The following KAZN variants were observed in gnomAD, a reference collection of about 807,000 sequenced individuals.
The protein encoded by KAZN is kazrin, periplakin interacting protein.
In KAZN, 40 loss-of-function variants were observed where a neutral mutation model predicts 87.4. That is an observed-to-expected ratio of 0.46 (90% CI 0.36 to 0.60). The LOEUF (loss-of-function observed/expected upper bound fraction) is 0.60, where lower values mean the gene tolerates loss of function less well. Among genes scored for constraint, KAZN ranks in the 20% least tolerant of loss-of-function variants. The probability of loss-of-function intolerance (pLI) is 0.00; values close to 1 mark genes in which losing one functional copy is unlikely to be tolerated. For missense variants in KAZN, 898 were observed against 1,073.9 expected (o/e 0.84, Z 2.29); for synonymous variants, 466 against 458.3 (o/e 1.02, Z -0.22).
intron 1 of KAZN, among the ~76,000 whole-genome samples, chr1:14,606,740 T>C (rs141526302): frequency 2.0e-5 from 3 of 152,146 alleles, no homozygotes; most frequent in Admixed American, 2.0e-4. Context: ...ACTATTGACA[T>C]GTGGAGCAGA....
At chr1:14,842,090 C>T (rs1204558244) in intron 1 of KAZN, among the ~76,000 whole-genome samples, 1 of 152,192 alleles carries the variant, frequency 6.6e-6, no homozygotes, top group African/African-American at 2.4e-5. Context: ...TGCTCTCTTT[C>T]TCACTTATGC....
In KAZN at chr1:15,044,152, T is replaced by G; in HGVS notation, c.719T>G (p.Leu240Arg). ...DNRMKELEAE[L>R]AMAKQSLATL... ...CGGATGAAGGAGCTGGAGGCCGAGC[T>G]GGCCATGGTGAGAACCCTCCCCACC... Residue 240 changes from leucine to arginine, a missense_variant, in exon 4 of 15, where the codon CTG (leucine) becomes CGG (arginine). By Grantham distance (102) the Leu-to-Arg change is moderately radical (BLOSUM62 -2). Transcript: ENST00000376030. The G allele has an allele frequency of 6.3e-7, 1 of 1,593,952 alleles. No homozygotes were observed. Among genetic ancestry groups the G allele is most frequent in the Non-Finnish European group, 8.6e-7 (1 of 1,168,950 alleles).
chr1:13,995,339 A>G (rs1268329444), intron 1 of KAZN, among the ~76,000 whole-genome samples: 1 of 152,212 alleles, frequency 6.6e-6, no homozygotes, highest in Non-Finnish European at 1.5e-5. Context: ...TCTCTCATGC[A>G]TAAACTTGGC....
rs201394854 is a variant in KAZN at position 14,883,316 on chromosome 1, GAA to G, written c.227-77366_227-77365del. 1.9e-3 allele frequency among the ~76,000 whole-genome samples: 78 copies of G among 40,764 alleles called. 5 individuals are homozygous for G. Among genetic ancestry groups the G allele is most frequent in the African/African-American group, 4.8e-3 (73 of 15,142 alleles). The allele number at this position is 40,764 out of a possible 152,430, so 26.7% of individuals were successfully genotyped here. On this transcript the variant is annotated intron_variant, in intron 1 of 14. Transcript: ENST00000376030. The stretch of plus-strand genomic sequence containing the variant: ...ATCTCAAAAGAAAGAAAGAAAGAAA[GAA>G]AGAGAGAGAGAGAGAGAGAGAGAGA...
intron 1 of KAZN, among the ~76,000 whole-genome samples, chr1:14,606,335 T>G (rs1677355955): frequency 6.6e-6 from 1 of 152,144 alleles, no homozygotes; most frequent in African/African-American, 2.4e-5. Context: ...CCTAGACTGG[T>G]GGTAGTTCCT....
At chr1:15,002,054 G>T (rs1668539777) in intron 2 of KAZN, among the ~76,000 whole-genome samples, 1 of 151,676 alleles carries the variant, frequency 6.6e-6, no homozygotes, top group Non-Finnish European at 1.5e-5. Context: ...CTAATTTTTT[G>T]TATTTTTAGT....
At chr1:14,067,639 C>G (rs370750976) in intron 1 of KAZN, among the ~76,000 whole-genome samples, 8 of 152,328 alleles carry the variant, frequency 5.3e-5, no homozygotes, top group Admixed American at 1.3e-4. Flanking sequence ...TCTGTCCCCC[C>G]CCATACTGCT....
At chr1:14,060,995 T>C (rs1642772104) in intron 1 of KAZN, among the ~76,000 whole-genome samples, 1 of 152,248 alleles carries the variant, frequency 6.6e-6, no homozygotes, top group Admixed American at 6.5e-5. Flanking sequence ...ACCAGCAGCG[T>C]GGCCTTTGAC....
chr1:14,919,893 A>G (rs1246518326), intron 1 of KAZN, among the ~76,000 whole-genome samples: 1 of 152,198 alleles, frequency 6.6e-6, no homozygotes. Flanking sequence ...ACTATACCAT[A>G]TAGCCTAGGT....
rs535684512 is a variant in KAZN, at chr1:15,099,270, G to C, written c.1548-2273G>C. Among the ~76,000 whole-genome samples, 2 of 152,206 alleles carry C rather than the reference G, an allele frequency of 1.3e-5. No homozygotes were observed. Among genetic ancestry groups the C allele is most frequent in the Non-Finnish European group, 2.9e-5 (2 of 68,034 alleles). On this transcript the variant is annotated intron_variant, in intron 10 of 14. Coordinates refer to ENST00000376030, the MANE Select transcript of KAZN (RefSeq NM_201628.3). The surrounding 1 kb of genome is among the most constrained non-coding windows in gnomAD (Gnocchi z 5.4). ...AGGAAGCATTCAATCAGTGTCTACTGTGCACGTAGACTGTGCTGTTTGGCA... is the reference window on the plus strand; with the variant it reads ...AGGAAGCATTCAATCAGTGTCTACTCTGCACGTAGACTGTGCTGTTTGGCA...
intron 1 of KAZN, among the ~76,000 whole-genome samples, chr1:14,826,346 A>G (rs1646884903): frequency 1.3e-5 from 2 of 152,208 alleles, no homozygotes; most frequent in Non-Finnish European, 2.9e-5. Context: ...CGTTGGCCAT[A>G]TGGATTTATT....
chr1:14,644,551 C>T (rs919067925), intron 1 of KAZN, among the ~76,000 whole-genome samples: 17 of 151,598 alleles, frequency 1.1e-4, no homozygotes, highest in Non-Finnish European at 2.1e-4. Flanking sequence ...TTAGTAGAGA[C>T]GGGGTTTCAC....
chr1:14,726,467 C>T (rs1557427340), intron 1 of KAZN, among the ~76,000 whole-genome samples: 1 of 152,192 alleles, frequency 6.6e-6, no homozygotes. Context: ...CCCAGGGATC[C>T]AGGTGGGTCA....
chr1:14,689,229 C>G (rs1428268599), intron 1 of KAZN, among the ~76,000 whole-genome samples: 1 of 151,326 alleles, frequency 6.6e-6, no homozygotes, highest in Non-Finnish European at 1.5e-5. Flanking sequence ...CAAAACAAAA[C>G]AAAACAAAAC....
chr1:14,333,657 C>T (rs574063620), intron 2 of KAZN, among the ~76,000 whole-genome samples: 2 of 152,196 alleles, frequency 1.3e-5, no homozygotes, highest in East Asian at 1.9e-4. Flanking sequence ...ATAAAAGATT[C>T]GTGGTAATGA....
chr1:15,028,203 C>G (rs1297415798), intron 2 of KAZN, among the ~76,000 whole-genome samples: 1 of 152,244 alleles, frequency 6.6e-6, no homozygotes, highest in Non-Finnish European at 1.5e-5. Flanking sequence ...CACCCTCCCT[C>G]CCACCTCCAG....
At chr1:14,182,592 T>C (rs565611381) in intron 2 of KAZN, among the ~76,000 whole-genome samples, 17 of 152,306 alleles carry the variant, frequency 1.1e-4, no homozygotes, top group Admixed American at 1.1e-3. Flanking sequence ...AGATGAGTGT[T>C]GCCAAGCTTA....
chr1:14,826,019 G>A (rs1303205342), intron 1 of KAZN, among the ~76,000 whole-genome samples: 1 of 152,168 alleles, frequency 6.6e-6, no homozygotes, highest in Non-Finnish European at 1.5e-5. Flanking sequence ...AGATTCAATT[G>A]CTCCTCAAAG....
intron 1 of KAZN, among the ~76,000 whole-genome samples, chr1:14,755,418 A>C (rs1644534541): frequency 6.6e-6 from 1 of 152,150 alleles, no homozygotes; most frequent in Non-Finnish European, 1.5e-5. Flanking sequence ...ATGTCTATGA[A>C]AGCTTTACTG....
Sources: gnomAD v4.1 joint callset for allele counts (sites outside exome capture counted in the v4.1 genomes callset) on GRCh38, gnomAD v4.1.1 for gene constraint, Gnocchi (gnomAD v3.1) non-coding constraint, MANE v1.5 for transcripts, NCBI Gene and HGNC (gene_info 2026-07-23, HGNC 2026-07-21) for gene names.